Variants in ATP8B1 observed in about 807,000 individuals in gnomAD.
The protein encoded by ATP8B1 is ATPase phospholipid transporting 8B1.
Under a neutral mutation model 149.9 loss-of-function variants are expected in ATP8B1, and 80 were observed. The ratio of observed to expected loss-of-function variants is 0.53; its 90% confidence interval spans 0.45 to 0.64. ATP8B1 has a LOEUF of 0.64. ATP8B1 is among the 30% of genes least tolerant of loss of function. The pLI, the probability that ATP8B1 is intolerant of heterozygous loss-of-function variation, is 0.00. For synonymous variants in ATP8B1, 536 were observed against 562.8 expected (o/e 0.95, Z 0.67); for missense variants, 1,247 against 1,552.6 (o/e 0.80, Z 3.31).
chr18:57,731,070 G>A (rs922768828), intron 2 of ATP8B1, among the ~76,000 whole-genome samples: 19 of 152,040 alleles, frequency 1.2e-4, no homozygotes, highest in African/African-American at 4.1e-4. Flanking sequence ...GAGGTGGGCA[G>A]ATCCCTTGAG....
intron 22 of ATP8B1, among the ~76,000 whole-genome samples, chr18:57,660,600 C>A (rs1910325083): frequency 6.6e-6 from 1 of 152,162 alleles, no homozygotes; most frequent in Non-Finnish European, 1.5e-5. Context: ...CTCACTGTAA[C>A]CTCCGCCTCC....
At chr18:57,783,937 C>A (rs1296720277) in intron 1 of ATP8B1, among the ~76,000 whole-genome samples, 1 of 152,206 alleles carries the variant, frequency 6.6e-6, no homozygotes, top group African/African-American at 2.4e-5. Flanking sequence ...GAGCTGTTGT[C>A]ATTTCAACAG....
chr18:57,710,569 A>T (rs886887961), intron 2 of ATP8B1, among the ~76,000 whole-genome samples: 1 of 152,162 alleles, frequency 6.6e-6, no homozygotes, highest in African/African-American at 2.4e-5. Flanking sequence ...GTAGATAAAA[A>T]GTCCAACATC....
At chr18:57,782,194 CT>C (rs2080362658) in intron 1 of ATP8B1, among the ~76,000 whole-genome samples, 5 of 152,204 alleles carry the variant, frequency 3.3e-5, no homozygotes, top group Admixed American at 3.3e-4. Context: ...CAAAGAAGCC[CT>C]GCTGTCTATA....
chr18:57,649,190 ATATCTATCTATC>A (rs71171056), intron 27 of ATP8B1, among the ~76,000 whole-genome samples: 2 of 148,096 alleles, frequency 1.4e-5, no homozygotes, highest in African/African-American at 5.0e-5. Context: ...GTGCTTGGCT[ATATCTATCTATC>A]TATCTATCTA....
intron 2 of ATP8B1, among the ~76,000 whole-genome samples, chr18:57,726,564 C>G (rs2079711086): frequency 6.6e-6 from 1 of 152,182 alleles, no homozygotes. Flanking sequence ...GATGTACAGG[C>G]AGGACTGAGA....
At chr18:57,719,907 A>G (rs1273261099) in intron 2 of ATP8B1, among the ~76,000 whole-genome samples, 10 of 152,252 alleles carry the variant, frequency 6.6e-5, no homozygotes, top group South Asian at 2.1e-4. Flanking sequence ...CTGAGAACCA[A>G]CAGACTGCCT....
chr18:57,673,868 G>A (rs1419681966), intron 16 of ATP8B1, among the ~76,000 whole-genome samples: 2 of 152,126 alleles, frequency 1.3e-5, no homozygotes, highest in East Asian at 1.9e-4. Context: ...GGTCTGTTAT[G>A]TGCCTGCATT....
intron 1 of ATP8B1, among the ~76,000 whole-genome samples, chr18:57,778,717 C>A (rs542852466): frequency 2.0e-5 from 3 of 152,120 alleles, no homozygotes; most frequent in African/African-American, 4.8e-5. Flanking sequence ...GAGGCCAGCT[C>A]CAGTTCTTTG....
At chr18:57,768,449 T>A (rs542610273) in intron 1 of ATP8B1, among the ~76,000 whole-genome samples, 2 of 147,150 alleles carry the variant, frequency 1.4e-5, no homozygotes, top group Admixed American at 6.8e-5. Context: ...TTTCTTAAGC[T>A]ACTAAGAAGA....
rs2080477454 is a variant in ATP8B1 at position 57,792,865 on chromosome 18, G to T, written c.-26+10133C>A. Among the ~76,000 whole-genome samples the T allele has an allele frequency of 1.3e-5, 2 of 152,120 alleles. 1 individual carries two copies. The highest frequency in any genetic ancestry group is 4.1e-4 in the South Asian group (2 of 4,828). ...GGCAAAAGACAAACAGGATAGGGAG[G>T]GGGACTAGGGGCTTGTGAGTGGCAA... On this transcript the variant is annotated intron_variant, in intron 1 of 27. Coordinates refer to ENST00000648908, the MANE Select transcript of ATP8B1 (RefSeq NM_001374385.1).
intron 1 of ATP8B1, among the ~76,000 whole-genome samples, chr18:57,796,529 C>T: frequency 6.6e-6 from 1 of 152,168 alleles, no homozygotes; most frequent in East Asian, 1.9e-4. Flanking sequence ...GATACAGCAG[C>T]TACTAGTGCC....
At chr18:57,651,530 A>C (rs944208071) in intron 26 of ATP8B1, among the ~76,000 whole-genome samples, 1 of 152,168 alleles carries the variant, frequency 6.6e-6, no homozygotes, top group African/African-American at 2.4e-5. Flanking sequence ...TCCTCCCATC[A>C]TGTTATGCCC....
At chr18:57,668,314 A>C in intron 19 of ATP8B1, 115 bp downstream of exon 19, 3 of 1,338,274 alleles carry the variant, frequency 2.2e-6, no homozygotes, top group Non-Finnish European at 3.2e-6. Context: ...TCTTCCGTCC[A>C]AAGAAACAGT....
In ATP8B1 at chr18:57,784,109, C is replaced by G. The variant is rs895858160; in HGVS notation, c.-26+18889G>C. ...GGGCCAAAAGGCAAAAGATAAGGAG[C>G]CTTTCAGAGGAAGAGCTTTTCAAGC... On this transcript the variant is annotated intron_variant, in intron 1 of 27. Transcript: ENST00000648908. The surrounding 1 kb of genome is among the most constrained non-coding windows in gnomAD (Gnocchi z 4.4). Among the ~76,000 whole-genome samples the G allele has an allele frequency of 3.3e-5, 5 of 152,124 alleles. No homozygotes were observed. The highest frequency in any genetic ancestry group is 7.3e-5 in the Non-Finnish European group (5 of 68,034).
intron 22 of ATP8B1, among the ~76,000 whole-genome samples, chr18:57,657,781 C>T (rs1252136545): frequency 6.6e-6 from 1 of 152,182 alleles, no homozygotes; most frequent in East Asian, 1.9e-4. Flanking sequence ...AGAGGAAGCC[C>T]TGCCCCAGGC....
In ATP8B1 at chr18:57,655,396, A is replaced by T; in HGVS notation, c.2729T>A (p.Ile910Lys). 1 of 1,614,224 alleles carries T rather than the reference A, an allele frequency of 6.2e-7. No individual in the cohort carries two copies. The highest frequency in any genetic ancestry group is 8.5e-7 in the Non-Finnish European group (1 of 1,180,034). ...MIKTAHIGVG[I>K]SGQEGMQAVM... Reference sequence around the variant, plus strand: ...AGCTTGCATTCCTTCTTGTCCACTTATTCCAACGCCAATGTGGGCAGCTAT... The same window carrying T: ...AGCTTGCATTCCTTCTTGTCCACTTTTTCCAACGCCAATGTGGGCAGCTAT... The change falls in exon 23 of 28, where the codon ATA becomes AAA. Residue 910 changes from isoleucine (I) to lysine (K), a missense_variant. Ile to Lys is a moderately radical substitution (Grantham distance 102). Around this residue, in one of 3 missense-constraint regions of ATP8B1, gnomAD observed 230 missense variants for 356.6 expected, o/e 0.65. Coordinates refer to ENST00000648908, the MANE Select transcript of ATP8B1 (RefSeq NM_001374385.1).
chr18:57,767,499 G>T (rs957560411), intron 1 of ATP8B1, among the ~76,000 whole-genome samples: 1 of 152,102 alleles, frequency 6.6e-6, no homozygotes, highest in Non-Finnish European at 1.5e-5. Flanking sequence ...AAACAGGAAC[G>T]CTTTTGGGCC....
intron 15 of ATP8B1, among the ~76,000 whole-genome samples, chr18:57,682,401 A>G (rs570712213): frequency 6.6e-6 from 1 of 152,322 alleles, no homozygotes; most frequent in South Asian, 2.1e-4. Flanking sequence ...CATCTCTAGC[A>G]TGTAGTCCAG....
Sources: gnomAD v4.1 joint callset for allele counts (sites outside exome capture counted in the v4.1 genomes callset) on GRCh38, gnomAD v4.1.1 for gene constraint, gnomAD v4.1.1 regional missense constraint, Gnocchi (gnomAD v3.1) non-coding constraint, MANE v1.5 for transcripts, NCBI Gene and HGNC (gene_info 2026-07-23, HGNC 2026-07-21) for gene names.